The following SNX22 variants were observed in gnomAD, a reference collection of about 807,000 sequenced individuals.
SNX22 encodes sorting nexin-22.
SNX22 carries 23 observed loss-of-function variants against 24.7 expected under a neutral mutation model. The ratio of observed to expected loss-of-function variants is 0.93; its 90% CI spans 0.67 to 1.32. The LOEUF is 1.32. Ranked by LOEUF, SNX22 falls within the 40% of genes most tolerant of loss-of-function variation. The probability of loss-of-function intolerance (pLI) is 0.00; values close to 1 mark genes in which losing one functional copy is unlikely to be tolerated. For synonymous variants in SNX22, 99 were observed against 104.0 expected, an observed-to-expected ratio of 0.95 and a Z score of 0.29; for missense variants, 261 against 249.9, an observed-to-expected ratio of 1.04 and a Z score of -0.30.
At position 64,153,660 on chromosome 15, in the gene SNX22, G is replaced by A; in HGVS notation, c.368G>A (p.Arg123Lys). The change falls in exon 5 of 7, where the codon AGG (arginine) becomes AAG (lysine). Residue 123 changes from arginine to lysine, a missense_variant. Transcript: ENST00000325881. ...DPKASNWGTLREFLPGDSSSQ... is the reference protein window; with the variant it reads ...DPKASNWGTLKEFLPGDSSSQ... ...GTTTCTCTTCTCTTCAGCACCCTGAGGGAGTTCCTGCCTGGCGACAGCAGG... is the reference window on the plus strand; with the variant it reads ...GTTTCTCTTCTCTTCAGCACCCTGAAGGAGTTCCTGCCTGGCGACAGCAGG... The A allele has an allele frequency of 1.9e-6, 3 of 1,614,086 alleles. No individual in the cohort carries two copies. Among genetic ancestry groups the A allele is most frequent in the Non-Finnish European group, 2.5e-6 (3 of 1,180,020 alleles).
chr15:64,155,740 C>T lies in SNX22; in HGVS notation c.*1232C>T. 1 of 409,378 alleles carries T rather than the reference C, an allele frequency of 2.4e-6. No homozygotes were observed. The highest frequency in any genetic ancestry group is 4.6e-6 in the Non-Finnish European group (1 of 219,274). 25.4% of individuals were successfully genotyped at this position (409,378 alleles called of 1,614,324 possible). On this transcript the variant is annotated 3_prime_UTR_variant, in exon 7 of 7. Coordinates refer to ENST00000325881, the MANE Select transcript of SNX22 (RefSeq NM_024798.3). ...GGGAAGGGGCAGGCACCCATTGCCA[C>T]AGGAGAGTTGCAGGCATGTTGGGAT...
At chr15:64,152,420 G>A (rs1321099639) in intron 2 of SNX22, 94 bp downstream of exon 2, 16 of 1,348,832 alleles carry the variant, frequency 1.2e-5, no homozygotes, top group Admixed American at 2.3e-5. Flanking sequence ...CCCAGCCTCC[G>A]CCACCCCCAT....
rs2081522319 is a variant in SNX22, at chr15:64,155,539, TTTA to T, written c.*1032_*1034del. 1 of 160,288 alleles carries T rather than the reference TTTA, an allele frequency of 6.2e-6. No individual in the cohort carries two copies. Among genetic ancestry groups the T allele is most frequent in the Non-Finnish European group, 1.3e-5 (1 of 74,498 alleles). The allele number at this position is 160,288 out of a possible 1,614,324, so 9.9% of individuals were successfully genotyped here. ...AAAAAAAAAAAAAAAAAAAAATCAA[TTTA>T]GAGGTAGGCTATGAAAAAGTACAGA... On this transcript the variant is annotated 3_prime_UTR_variant, in exon 7 of 7. Coordinates refer to ENST00000325881, the MANE Select transcript of SNX22 (RefSeq NM_024798.3).
intron 1 of SNX22, 78 bp downstream of exon 1, chr15:64,151,928 G>C: frequency 7.3e-7 from 1 of 1,360,986 alleles, no homozygotes; most frequent in Non-Finnish European, 9.8e-7. Flanking sequence ...GGGACCCGGG[G>C]CCCGGGCCTG....
chr15:64,156,897 T>C lies in SNX22; in HGVS notation c.*2389T>C. ...GTTCTCATCGGGGAAGCGCTCACCG[T>C]AGATGCTCTTTCCTGGGAAAAAAGA... On this transcript the variant is annotated 3_prime_UTR_variant, in exon 7 of 7. Coordinates refer to ENST00000325881, the MANE Select transcript of SNX22 (RefSeq NM_024798.3). This position sits in a 1 kb window ranked among gnomAD's most constrained non-coding sequence, Gnocchi z 6.4. 1 of 1,614,090 alleles carries C rather than the reference T, an allele frequency of 6.2e-7. No homozygotes were observed. The highest frequency in any genetic ancestry group is 8.5e-7 in the Non-Finnish European group (1 of 1,179,998).
intron 4 of SNX22, 79 bp downstream of exon 4, chr15:64,153,418 C>T: frequency 6.3e-7 from 1 of 1,591,284 alleles, no homozygotes; most frequent in Non-Finnish European, 8.6e-7. Flanking sequence ...CAAGCCCTTT[C>T]TTTTCACATC....
rs746706260 is a variant in SNX22 at position 64,156,100 on chromosome 15, T to C, written c.*1592T>C. The C allele has an allele frequency of 3.7e-6, 6 of 1,614,208 alleles. No homozygotes were observed. Among genetic ancestry groups the C allele is most frequent in the South Asian group, 1.1e-5 (1 of 91,086 alleles). On this transcript the variant is annotated 3_prime_UTR_variant, in exon 7 of 7. Transcript: ENST00000325881. The surrounding 1 kb of genome is among the most constrained non-coding windows in gnomAD (Gnocchi z 6.4). ...GCGATGATCACATCCTTCAGGGGTT[T>C]ATCCCGGCTGTCTGTCTTGGTGCTC...
intron 1 of SNX22, 44 bp from the exon 2 acceptor site, chr15:64,152,199 C>G: frequency 7.3e-7 from 1 of 1,367,626 alleles, no homozygotes; most frequent in African/African-American, 1.5e-5. Flanking sequence ...GGCGTCCTCC[C>G]GCGGGGCCTC....
At chr15:64,151,917 G>GGGGACCC (rs1297318038) in intron 1 of SNX22, 67 bp downstream of exon 1, 2 of 1,412,524 alleles carry the variant, frequency 1.4e-6, no homozygotes, top group Non-Finnish European at 1.9e-6. Flanking sequence ...TGCGCTCAGT[G>GGGGACCC]GGGACCCGGG....
chr15:64,155,744 A>G lies in SNX22; in HGVS notation c.*1236A>G, dbSNP rs1191225662. The G allele has an allele frequency of 2.4e-6, 1 of 415,786 alleles. No individual in the cohort carries two copies. The highest frequency in any genetic ancestry group is 3.6e-5 in the Admixed American group (1 of 28,074). The allele number at this position is 415,786 out of a possible 1,614,324, so 25.8% of individuals were successfully genotyped here. A position where few individuals can be genotyped will look rare whatever the true frequency, so the allele number is the denominator to read the frequency against. ...AGGGGCAGGCACCCATTGCCACAGG[A>G]GAGTTGCAGGCATGTTGGGATGTAG... On this transcript the variant is annotated 3_prime_UTR_variant, in exon 7 of 7. Transcript: ENST00000325881.
At chr15:64,154,286 C>T in intron 6 of SNX22, 101 bp from the exon 7 acceptor site, 1 of 1,584,276 alleles carries the variant, frequency 6.3e-7, no homozygotes, top group South Asian at 1.2e-5. Flanking sequence ...CTGTCTGCTG[C>T]CTTGGCAGGG....
intron 5 of SNX22, 113 bp from the exon 6 acceptor site, chr15:64,153,822 C>T (rs1450290578): frequency 6.3e-7 from 1 of 1,590,908 alleles, no homozygotes; most frequent in Non-Finnish European, 8.6e-7. Flanking sequence ...GAGCCCATTT[C>T]CCACTCACCT....
intron 1 of SNX22, 30 bp downstream of exon 1, chr15:64,151,880 G>T (rs1178883222): frequency 1.3e-6 from 2 of 1,513,482 alleles, no homozygotes; most frequent in Non-Finnish European, 1.8e-6. Context: ...GGGGAGGGGC[G>T]CCGGGACCCG....
In SNX22 at chr15:64,154,390, C is replaced by G; in HGVS notation, c.464C>G (p.Ser155Trp). 6.2e-7 allele frequency: 1 copy of G among 1,614,126 alleles called. No individual in the cohort carries two copies. ...DPYVCNPSPE[S>W]LPNVVVNGVL... ...CCTGTTTAATTCTATCCCACAGAGTCGCTGCCCAACGTGGTGGTGAATGGT... is the reference window on the plus strand; with the variant it reads ...CCTGTTTAATTCTATCCCACAGAGTGGCTGCCCAACGTGGTGGTGAATGGT... The change falls in exon 7 of 7, where the codon TCG becomes TGG. Residue 155 changes from serine to tryptophan, a missense_variant. Transcript: ENST00000325881.
At position 64,156,037 on chromosome 15, in the gene SNX22, T is replaced by C; in HGVS notation, c.*1529T>C. 1.3e-5 allele frequency: 21 copies of C among 1,614,186 alleles called. No individual in the cohort carries two copies. Among genetic ancestry groups the C allele is most frequent in the Non-Finnish European group, 1.8e-5 (21 of 1,180,034 alleles). On this transcript the variant is annotated 3_prime_UTR_variant, in exon 7 of 7. Coordinates refer to ENST00000325881, the MANE Select transcript of SNX22 (RefSeq NM_024798.3). This position sits in a 1 kb window ranked among gnomAD's most constrained non-coding sequence, Gnocchi z 6.4. ...GTCCCTGTGCCCTACTCCTTGGCGA[T>C]GGCAAAGGGCTTCTCCACCTCGATC... is the stretch of plus-strand genomic sequence containing the variant.
intron 4 of SNX22, 149 bp from the exon 5 acceptor site, chr15:64,153,503 G>T: frequency 6.7e-7 from 1 of 1,492,128 alleles, no homozygotes; most frequent in South Asian, 1.2e-5. Context: ...GACAGACTTG[G>T]TTACCCCCGC....
intron 3 of SNX22, 112 bp downstream of exon 3, chr15:64,152,854 T>A: frequency 1.2e-6 from 1 of 860,262 alleles, no homozygotes; most frequent in African/African-American, 1.7e-5. Flanking sequence ...GGGATGTTAT[T>A]CACCACCTCA....
intron 5 of SNX22, 76 bp from the exon 6 acceptor site, chr15:64,153,859 C>A: frequency 6.3e-7 from 1 of 1,590,938 alleles, no homozygotes; most frequent in South Asian, 1.1e-5. Flanking sequence ...CTGGTGATGG[C>A]AACCCCGTCT....
In SNX22 at chr15:64,153,656, CTGA is replaced by C. The variant is rs1268225672; in HGVS notation, c.365_367del (p.Leu122del). ...CAGTGTTTCTCTTCTCTTCAGCACCCTGAGGGAGTTCCTGCCTGGCGACAGCAG... is the reference window on the plus strand; with the variant it reads ...CAGTGTTTCTCTTCTCTTCAGCACCCGGGAGTTCCTGCCTGGCGACAGCAG... On this transcript the variant is annotated inframe_deletion, in exon 5 of 7. Transcript: ENST00000325881. 1.9e-6 allele frequency: 3 copies of C among 1,614,120 alleles called. No homozygotes were observed. Among genetic ancestry groups the C allele is most frequent in the Non-Finnish European group, 2.5e-6 (3 of 1,180,012 alleles).
Sources: gnomAD v4.1 joint callset for allele counts on GRCh38, gnomAD v4.1.1 for gene constraint, Gnocchi (gnomAD v3.1) non-coding constraint, MANE v1.5 for transcripts, NCBI Gene and HGNC (gene_info 2026-07-23, HGNC 2026-07-21) for gene names.